STX8: variants seen among roughly 807,000 people sequenced by gnomAD.
STX8 encodes syntaxin 8, also known as syntaxin-8.
Under a neutral mutation model 37.5 loss-of-function variants are expected in STX8, and 23 were observed. The observed-to-expected ratio is 0.61, with a 90% CI of 0.44 to 0.87. STX8 has a LOEUF of 0.87. Among genes scored for constraint, STX8 ranks in the 40% least tolerant of loss-of-function variants. STX8 has a pLI of 0.00. For synonymous variants in STX8, 115 were observed against 99.1 expected (o/e 1.16, Z -0.95); for missense variants, 313 against 284.7 (o/e 1.10, Z -0.71).
chr17:9,494,286 A>AT (rs1906995809), intron 5 of STX8, among the ~76,000 whole-genome samples: 2 of 148,684 alleles, frequency 1.3e-5, no homozygotes, highest in African/African-American at 4.9e-5. Flanking sequence ...AAGTGCTGGG[A>AT]TTACAGGCGT....
At chr17:9,301,772 A>G (rs1227524520) in intron 7 of STX8, among the ~76,000 whole-genome samples, 1 of 152,038 alleles carries the variant, frequency 6.6e-6, no homozygotes, top group Non-Finnish European at 1.5e-5. Context: ...TACAGGCATG[A>G]GCCACGGCGC....
intron 6 of STX8, among the ~76,000 whole-genome samples, chr17:9,441,509 G>T (rs1259522898): frequency 2.0e-5 from 3 of 150,258 alleles, no homozygotes; most frequent in Non-Finnish European, 4.4e-5. Context: ...AAAAGAAACT[G>T]AGTCAAATAT....
chr17:9,319,951 AAAATAAAT>A (rs568147923), intron 7 of STX8, among the ~76,000 whole-genome samples: 1 of 151,342 alleles, frequency 6.6e-6, no homozygotes, highest in Admixed American at 6.6e-5. Context: ...GTCCATCTCA[AAAATAAAT>A]AAATAAATAA....
intron 6 of STX8, among the ~76,000 whole-genome samples, chr17:9,406,338 C>G (rs1466714764): frequency 1.3e-5 from 2 of 152,134 alleles, no homozygotes; most frequent in Non-Finnish European, 2.9e-5. Flanking sequence ...CAAGGGGCCA[C>G]TTTTTTTGTA....
chr17:9,256,495 G>C (rs1906803628), intron 7 of STX8, among the ~76,000 whole-genome samples: 1 of 152,246 alleles, frequency 6.6e-6, no homozygotes, highest in Non-Finnish European at 1.5e-5. Flanking sequence ...CCATCCGTCA[G>C]CTTTCGCAAG....
In STX8 at chr17:9,267,854, G is replaced by A. The variant is rs573183928; in HGVS notation, c.644-17209C>T. ...AAATACGAAAGAATTAGCTGGGCGT[G>A]GTGGTGGGTGCCTGTAATCTCAGCT... On this transcript the variant is annotated intron_variant, in intron 7 of 7. Transcript: ENST00000306357. Among the ~76,000 whole-genome samples the A allele has an allele frequency of 9.2e-5, 14 of 152,252 alleles. No homozygotes were observed. In the South Asian group the frequency reaches 2.7e-3, roughly 29 times the overall value.
chr17:9,490,076 T>G (rs1906787884), intron 6 of STX8, among the ~76,000 whole-genome samples: 1 of 152,200 alleles, frequency 6.6e-6, no homozygotes, highest in African/African-American at 2.4e-5. Context: ...ATTAGCCTGT[T>G]CGTGTTGGTA....
At chr17:9,385,577 G>C (rs1911970080) in intron 6 of STX8, among the ~76,000 whole-genome samples, 1 of 152,140 alleles carries the variant, frequency 6.6e-6, no homozygotes, top group African/African-American at 2.4e-5. Flanking sequence ...ATATTGTTAA[G>C]TCATTAGGGA....
At chr17:9,294,847 A>G (rs550683126) in intron 7 of STX8, among the ~76,000 whole-genome samples, 1 of 152,234 alleles carries the variant, frequency 6.6e-6, no homozygotes, top group African/African-American at 2.4e-5. Context: ...TGATGTCATT[A>G]TAAGAAGAGG....
In STX8 at chr17:9,418,910, CT is replaced by C. The variant is rs1398275461; in HGVS notation, c.542-40258del. Among the ~76,000 whole-genome samples, 117 of 135,968 alleles carry C rather than the reference CT, an allele frequency of 8.6e-4. 1 individual carries two copies. Among genetic ancestry groups the C allele is most frequent in the African/African-American group, 2.8e-3 (101 of 36,086 alleles). 89.2% of individuals were successfully genotyped at this position (135,968 alleles called of 152,430 possible). On this transcript the variant is annotated intron_variant, in intron 6 of 7. Coordinates refer to ENST00000306357, the MANE Select transcript of STX8 (RefSeq NM_004853.3). ...TTTCATTTTTTGCCCACACCCCCCC[CT>C]CTTTTTTTTTCTTTTTTTTTTTTTT...
chr17:9,455,513 T>C (rs1382041089), intron 6 of STX8, among the ~76,000 whole-genome samples: 2 of 151,512 alleles, frequency 1.3e-5, no homozygotes, highest in Non-Finnish European at 2.9e-5. Context: ...AATCAATCAA[T>C]AAATAAAAAC....
At chr17:9,554,904 CAAA>C (rs34545907) in intron 3 of STX8, 7 of 55,564 alleles carry the variant, frequency 1.3e-4, no homozygotes, top group Admixed American at 2.1e-4. Context: ...GACTCCATCT[CAAA>C]AAAAAAAAAA....
intron 7 of STX8, among the ~76,000 whole-genome samples, chr17:9,376,668 C>T (rs112182401): frequency 1.3e-4 from 20 of 152,294 alleles, no homozygotes; most frequent in African/African-American, 3.6e-4. Flanking sequence ...GCAGTAACAC[C>T]GGCTGCAACG....
rs980987269 is a variant in STX8, at chr17:9,505,058, T to A, written c.428A>T (p.Gln143Leu). 8 of 1,613,122 alleles carry A rather than the reference T, an allele frequency of 5.0e-6. No individual in the cohort carries two copies. The African/African-American group carries it at 6.7e-5, about 13-fold the overall frequency. Residue 143 changes from glutamine (Q) to leucine (L), a missense_variant, in exon 5 of 8, where the codon CAG (glutamine) becomes CTG (leucine). Gln to Leu is a moderately radical substitution (Grantham distance 113). Coordinates refer to ENST00000306357, the MANE Select transcript of STX8 (RefSeq NM_004853.3). Reference sequence around the variant, plus strand: ...AGTACCTTGGATAATTTTCTGCTGCTGTTGCCGGATTTCATCAAAACCCAA... The same window carrying A: ...AGTACCTTGGATAATTTTCTGCTGCAGTTGCCGGATTTCATCAAAACCCAA... ...RGLGFDEIRQ[Q>L]QQKIIQEQDA...
chr17:9,557,843 C>A (rs779783255), intron 2 of STX8, among the ~76,000 whole-genome samples: 1 of 152,126 alleles, frequency 6.6e-6, no homozygotes, highest in African/African-American at 2.4e-5. Flanking sequence ...TGAGCTTCTA[C>A]CCCATTGATC....
At chr17:9,465,645 G>C (rs1905579384) in intron 6 of STX8, among the ~76,000 whole-genome samples, 2 of 152,186 alleles carry the variant, frequency 1.3e-5, no homozygotes, top group South Asian at 4.1e-4. Context: ...TCTTCAAGCA[G>C]CACGCCTGTC....
chr17:9,346,855 C>A (rs1313683507), intron 7 of STX8, among the ~76,000 whole-genome samples: 1 of 152,080 alleles, frequency 6.6e-6, no homozygotes, highest in African/African-American at 2.4e-5. Flanking sequence ...TTGCTGGGCA[C>A]GGTGGCTCCC....
chr17:9,428,690 C>A (rs941926303), intron 6 of STX8, among the ~76,000 whole-genome samples: 1 of 152,084 alleles, frequency 6.6e-6, no homozygotes, highest in African/African-American at 2.4e-5. Context: ...TTATTTAACC[C>A]AATATAGCCA....
chr17:9,569,202 C>T (rs540259026), intron 1 of STX8, among the ~76,000 whole-genome samples: 127 of 152,246 alleles, frequency 8.3e-4, no homozygotes, highest in African/African-American at 2.9e-3. Context: ...CTGGAGAAGA[C>T]GGCAGTAAAC....
Sources: gnomAD v4.1 joint callset for allele counts (sites outside exome capture counted in the v4.1 genomes callset) on GRCh38, gnomAD v4.1.1 for gene constraint, MANE v1.5 for transcripts, NCBI Gene and HGNC (gene_info 2026-07-23, HGNC 2026-07-21) for gene names.